The following DCDC2 variants were observed in gnomAD, a reference collection of about 807,000 sequenced individuals.
DCDC2 encodes the protein doublecortin domain-containing protein 2.
Under a neutral mutation model 50.2 loss-of-function variants are expected in DCDC2, and 40 were observed. That is an observed-to-expected ratio of 0.80 (90% CI 0.62 to 1.04). The LOEUF is 1.04. Among genes scored for constraint, DCDC2 ranks in the 50% least tolerant of loss-of-function variants. DCDC2 has a pLI of 0.00. For missense variants in DCDC2, 570 were observed against 581.9 expected (o/e 0.98, Z 0.21); for synonymous variants, 234 against 210.6 (o/e 1.11, Z -0.96).
At chr6:24,218,889 T>C (rs754251175) in intron 7 of DCDC2, among the ~76,000 whole-genome samples, 1 of 152,206 alleles carries the variant, frequency 6.6e-6, no homozygotes, top group African/African-American at 2.4e-5. Context: ...CATCAAATAA[T>C]TTCATTTGAA....
intron 7 of DCDC2, among the ~76,000 whole-genome samples, chr6:24,207,449 C>T (rs1355047815): frequency 6.6e-6 from 1 of 152,108 alleles, no homozygotes; most frequent in Non-Finnish European, 1.5e-5. Context: ...CAGTACCATG[C>T]TTTAATTAAT....
intron 2 of DCDC2, among the ~76,000 whole-genome samples, chr6:24,339,313 C>T (rs772863229): frequency 6.6e-6 from 1 of 152,164 alleles, no homozygotes; most frequent in Non-Finnish European, 1.5e-5. Flanking sequence ...TCCTCCCACA[C>T]AGCACACTTC....
At chr6:24,178,285 A>G (rs1158581112) in intron 9 of DCDC2, 45 bp downstream of exon 9, 1 of 1,560,634 alleles carries the variant, frequency 6.4e-7, no homozygotes, top group African/African-American at 1.4e-5. Context: ...GTACACACAC[A>G]CATATTCATG....
intron 8 of DCDC2, among the ~76,000 whole-genome samples, chr6:24,182,377 T>C (rs79482237): frequency 0.04 from 6,111 of 152,028 alleles, 322 homozygotes; most frequent in African/African-American, 0.13. Flanking sequence ...AGGCAACCCA[T>C]AGAATGGGAG....
rs78067116 is a variant in DCDC2 at position 24,326,687 on chromosome 6, G to A, written c.349-24643C>T. On this transcript the variant is annotated intron_variant, in intron 2 of 9. Coordinates refer to ENST00000378454, the MANE Select transcript of DCDC2 (RefSeq NM_016356.5). Reference sequence around the variant, plus strand: ...GCCTGGGCAACAATGGCAAAAATCCGTCTCTACTAAAAGTGCAAAAAATTG... The same window carrying A: ...GCCTGGGCAACAATGGCAAAAATCCATCTCTACTAAAAGTGCAAAAAATTG... Among the ~76,000 whole-genome samples, 1,335 of 148,360 alleles carry A rather than the reference G, an allele frequency of 9.0e-3. 46 individuals carry two copies. The highest frequency in any genetic ancestry group is 0.03 in the African/African-American group (1,220 of 41,206).
intron 2 of DCDC2, among the ~76,000 whole-genome samples, chr6:24,350,260 T>A (rs552919357): frequency 6.6e-6 from 1 of 152,114 alleles, no homozygotes; most frequent in Non-Finnish European, 1.5e-5. Context: ...GCAGGTGCCA[T>A]CTTGTCTAAA....
chr6:24,205,567 A>C (rs554884908), intron 7 of DCDC2, among the ~76,000 whole-genome samples: 2 of 152,312 alleles, frequency 1.3e-5, no homozygotes, highest in Admixed American at 1.3e-4. Context: ...AGAGTATTAT[A>C]AAAAATGTTT....
At chr6:24,201,115 G>A (rs1414545138) in intron 8 of DCDC2, among the ~76,000 whole-genome samples, 6 of 151,984 alleles carry the variant, frequency 3.9e-5, no homozygotes, top group Non-Finnish European at 5.9e-5. Context: ...ACATTAACAA[G>A]GATATTCAGG....
intron 2 of DCDC2, among the ~76,000 whole-genome samples, chr6:24,315,187 T>A (rs982919610): frequency 6.6e-6 from 1 of 151,192 alleles, no homozygotes; most frequent in African/African-American, 2.4e-5. Flanking sequence ...TTTTTTTTTT[T>A]AAATAACCAG....
intron 1 of DCDC2, among the ~76,000 whole-genome samples, chr6:24,355,403 G>C (rs1021744726): frequency 7.9e-5 from 12 of 152,168 alleles, no homozygotes; most frequent in Middle Eastern, 3.4e-3. Context: ...AATTGCTTTA[G>C]ACGGAAATAT....
At chr6:24,219,898 G>A (rs558840726) in intron 7 of DCDC2, among the ~76,000 whole-genome samples, 37 of 152,132 alleles carry the variant, frequency 2.4e-4, no homozygotes, top group Non-Finnish European at 4.6e-4. Flanking sequence ...AGCCCCTAGA[G>A]GCCACACTTT....
At chr6:24,257,678 G>A (rs928592975) in intron 7 of DCDC2, among the ~76,000 whole-genome samples, 3 of 149,140 alleles carry the variant, frequency 2.0e-5, no homozygotes, top group African/African-American at 7.7e-5. Context: ...GAGGCTTGTG[G>A]AAGACGCCTG....
intron 2 of DCDC2, among the ~76,000 whole-genome samples, chr6:24,341,159 A>G (rs558374491): frequency 6.6e-6 from 1 of 152,364 alleles, no homozygotes; most frequent in Non-Finnish European, 1.5e-5. Context: ...GGGAAAAAAT[A>G]CAAAGCAGCA....
intron 7 of DCDC2, among the ~76,000 whole-genome samples, chr6:24,220,039 A>G (rs978395217): frequency 1.3e-5 from 2 of 152,230 alleles, no homozygotes; most frequent in African/African-American, 4.8e-5. Context: ...TGAAAATGAC[A>G]AAAGAGAAGG....
intron 2 of DCDC2, among the ~76,000 whole-genome samples, chr6:24,325,030 A>C (rs1197694733): frequency 6.6e-6 from 1 of 152,182 alleles, no homozygotes; most frequent in Non-Finnish European, 1.5e-5. Context: ...ATGAAGAGTA[A>C]GGCCATGTTC....
In DCDC2 at chr6:24,353,385, C is replaced by G. The variant is rs1760407232; in HGVS notation, c.348+184G>C. The G allele has an allele frequency of 1.5e-5, 10 of 648,728 alleles. No individual in the cohort carries two copies. In the South Asian group the frequency reaches 1.6e-4, roughly 10 times the overall value. 40.2% of individuals were successfully genotyped at this position (648,728 alleles called of 1,614,324 possible). On this transcript the variant is annotated intron_variant, in intron 2 of 9. Coordinates refer to ENST00000378454, the MANE Select transcript of DCDC2 (RefSeq NM_016356.5). ...TCCTGCACATCTTAGAACATCTACT[C>G]AGTCTTTTCATTTCTGACAATGATT...
At chr6:24,220,921 A>AGCGAGAGAGTGAGCGAGCGG (rs1762104934) in intron 7 of DCDC2, among the ~76,000 whole-genome samples, 1 of 151,474 alleles carries the variant, frequency 6.6e-6, no homozygotes, top group Non-Finnish European at 1.5e-5. Flanking sequence ...TGAGCGAGCG[A>AGCGAGAGAGTGAGCGAGCGG]GCGAGAGCAC....
chr6:24,252,801 A>G (rs111781092), intron 7 of DCDC2, among the ~76,000 whole-genome samples: 1 of 152,350 alleles, frequency 6.6e-6, no homozygotes, highest in African/African-American at 2.4e-5. Context: ...ATGCTGAGCC[A>G]TAATGCAAGT....
chr6:24,302,823 G>A (rs1465252740), intron 2 of DCDC2, among the ~76,000 whole-genome samples: 1 of 151,846 alleles, frequency 6.6e-6, no homozygotes, highest in South Asian at 2.1e-4. Flanking sequence ...ACAGTGGATA[G>A]TCCAAATCCT....
Sources: gnomAD v4.1 joint callset for allele counts (sites outside exome capture counted in the v4.1 genomes callset) on GRCh38, gnomAD v4.1.1 for gene constraint, MANE v1.5 for transcripts, NCBI Gene and HGNC (gene_info 2026-07-23, HGNC 2026-07-21) for gene names.